Variants in NOX4 observed in about 807,000 individuals in gnomAD.
The protein encoded by NOX4 is kidney oxidase-1.
NOX4 carries 69 observed loss-of-function variants against 87.6 expected under a neutral mutation model. The ratio of observed to expected loss-of-function variants is 0.79; its 90% CI spans 0.65 to 0.96. The LOEUF is 0.96. Ranked by LOEUF, NOX4 falls within the 40% of genes least tolerant of loss-of-function variation. The pLI is 0.00. For synonymous variants in NOX4, 275 were observed against 238.2 expected (o/e 1.15, Z -1.42); for missense variants, 680 against 681.5 (o/e 1.00, Z 0.02).
intron 8 of NOX4, among the ~76,000 whole-genome samples, chr11:89,418,167 T>C (rs943073608): frequency 1.3e-5 from 2 of 151,822 alleles, no homozygotes; most frequent in Non-Finnish European, 2.9e-5. Flanking sequence ...ATAATACCGA[T>C]TGCAATGTTT....
intron 12 of NOX4, among the ~76,000 whole-genome samples, chr11:89,371,830 T>C (rs1393846655): frequency 6.6e-6 from 1 of 151,920 alleles, no homozygotes; most frequent in South Asian, 2.1e-4. Context: ...AAGCCTGGTT[T>C]TTCATGACTC....
chr11:89,426,698 C>A (rs12292028), intron 7 of NOX4, among the ~76,000 whole-genome samples: 13,838 of 152,120 alleles, frequency 0.091, 790 homozygotes, highest in South Asian at 0.2. Context: ...ATTGCTGAAG[C>A]TTGAGTAGGT....
chr11:89,441,970 T>TAA (rs1555033423), intron 5 of NOX4, among the ~76,000 whole-genome samples: 11 of 143,346 alleles, frequency 7.7e-5, no homozygotes, highest in Non-Finnish European at 1.1e-4. Flanking sequence ...TATATATATA[T>TAA]AATCAATATA....
intron 17 of NOX4, among the ~76,000 whole-genome samples, chr11:89,328,538 A>G (rs1945311765): frequency 6.6e-6 from 1 of 152,176 alleles, no homozygotes; most frequent in Non-Finnish European, 1.5e-5. Context: ...CAAGTCCAAC[A>G]CTATTAAAAT....
chr11:89,470,450 G>T (rs1420870416), intron 2 of NOX4, among the ~76,000 whole-genome samples: 2 of 152,146 alleles, frequency 1.3e-5, no homozygotes, highest in East Asian at 3.9e-4. Flanking sequence ...AATGAATGAG[G>T]CTAAGAGATG....
Position 89,357,945 on chromosome 11 carries a change from C to G in NOX4, c.1136-2902G>C, listed in dbSNP as rs535844461. 5.1e-3 allele frequency among the ~76,000 whole-genome samples: 768 copies of G among 152,030 alleles called. 13 individuals are homozygous for G. Among genetic ancestry groups the G allele is most frequent in the African/African-American group, 0.018 (735 of 41,506 alleles). ...GTGTGCATACACACACACACACATA[C>G]AGCAAAAGCAGCAAAAAAGACATCA... is the stretch of plus-strand genomic sequence containing the variant. On this transcript the variant is annotated intron_variant, in intron 12 of 17. Transcript: ENST00000263317.
intron 5 of NOX4, among the ~76,000 whole-genome samples, chr11:89,441,090 C>G (rs993795165): frequency 2.0e-5 from 3 of 152,106 alleles, no homozygotes; most frequent in African/African-American, 7.2e-5. Flanking sequence ...TCTACCAAAA[C>G]CGTGAAACTG....
the NOX4 span, among the ~76,000 whole-genome samples, chr11:89,588,007 T>A: frequency 6.6e-6 from 1 of 152,200 alleles, no homozygotes; most frequent in Non-Finnish European, 1.5e-5. Flanking sequence ...TATTATTTCT[T>A]ATAATCTATT....
intron 2 of NOX4, among the ~76,000 whole-genome samples, chr11:89,459,713 T>C (rs1452106099): frequency 6.6e-6 from 1 of 152,030 alleles, no homozygotes; most frequent in Non-Finnish European, 1.5e-5. Flanking sequence ...AGAATCAATA[T>C]CGTGAAAATG....
At chr11:89,533,320 C>T in the NOX4 span, among the ~76,000 whole-genome samples, 2 of 151,784 alleles carry the variant, frequency 1.3e-5, no homozygotes, top group Admixed American at 1.3e-4. Flanking sequence ...CATTTTTGTT[C>T]CTGCCTCAAA....
chr11:89,550,191 CTT>C, the NOX4 span, among the ~76,000 whole-genome samples: 2 of 146,098 alleles, frequency 1.4e-5, no homozygotes, highest in South Asian at 4.4e-4. Flanking sequence ...GATAGCTAGT[CTT>C]TTTTTTTTTT....
intron 12 of NOX4, among the ~76,000 whole-genome samples, chr11:89,356,330 C>T (rs1938049272): frequency 6.7e-6 from 1 of 148,228 alleles, no homozygotes; most frequent in East Asian, 2.0e-4. Flanking sequence ...ATAATGACTG[C>T]ATATCATGAG....
At chr11:89,501,398 A>G (rs1175444020), upstream of NOX4, among the ~76,000 whole-genome samples, 2 of 152,016 alleles carry the variant, frequency 1.3e-5, no homozygotes, top group Non-Finnish European at 2.9e-5. Flanking sequence ...GGTGGTATTA[A>G]GGTCGCTTAT....
chr11:89,488,202 A>T (rs1272994058), intron 2 of NOX4, among the ~76,000 whole-genome samples: 1 of 151,748 alleles, frequency 6.6e-6, no homozygotes, highest in Non-Finnish European at 1.5e-5. Context: ...ATTTATAACA[A>T]CCTCTCCTTT....
At chr11:89,406,670 T>C (rs1206415274) in intron 8 of NOX4, among the ~76,000 whole-genome samples, 2 of 152,074 alleles carry the variant, frequency 1.3e-5, no homozygotes, top group Non-Finnish European at 2.9e-5. Context: ...TAGTAACTAT[T>C]AGAGAAAAGT....
At chr11:89,434,323 C>T (rs1333772447) in intron 6 of NOX4, among the ~76,000 whole-genome samples, 1 of 152,026 alleles carries the variant, frequency 6.6e-6, no homozygotes, top group Non-Finnish European at 1.5e-5. Context: ...CTTGAGTACT[C>T]GCACCTCCTC....
At chr11:89,544,241 C>T in the NOX4 span, among the ~76,000 whole-genome samples, 2 of 151,912 alleles carry the variant, frequency 1.3e-5, no homozygotes, top group African/African-American at 4.8e-5. Context: ...TTTTTTCCTC[C>T]AAGAGGCTAT....
intron 8 of NOX4, among the ~76,000 whole-genome samples, chr11:89,418,625 C>A (rs1159025165): frequency 6.6e-6 from 1 of 151,552 alleles, no homozygotes; most frequent in Non-Finnish European, 1.5e-5. Flanking sequence ...GAAAAGTGGG[C>A]GACTTAACTT....
chr11:89,512,185 C>T, the NOX4 span, among the ~76,000 whole-genome samples: 7 of 152,068 alleles, frequency 4.6e-5, no homozygotes, highest in African/African-American at 1.4e-4. Context: ...CATATGCAAA[C>T]GCCCATGGAA....
Sources: gnomAD v4.1 joint callset for allele counts (sites outside exome capture counted in the v4.1 genomes callset) on GRCh38, gnomAD v4.1.1 for gene constraint, MANE v1.5 for transcripts, NCBI Gene and HGNC (gene_info 2026-07-23, HGNC 2026-07-21) for gene names.